ZFYVE27: variants seen among roughly 807,000 people sequenced by gnomAD.
The protein encoded by ZFYVE27 is zinc finger FYVE-type containing 27, also known as protrudin.
ZFYVE27 carries 36 observed loss-of-function variants against 52.8 expected under a neutral mutation model. The ratio of observed to expected loss-of-function variants is 0.68; its 90% CI spans 0.52 to 0.90. ZFYVE27 has a LOEUF of 0.90. Ranked by LOEUF, ZFYVE27 falls within the 40% of genes least tolerant of loss-of-function variation. The pLI, the probability that ZFYVE27 is intolerant of heterozygous loss-of-function variation, is 0.00. For missense variants in ZFYVE27, 450 were observed against 527.2 expected, an observed-to-expected ratio of 0.85 and a Z score of 1.43; for synonymous variants, 223 against 215.6, an observed-to-expected ratio of 1.03 and a Z score of -0.30.
intron 2 of ZFYVE27, 42 bp downstream of exon 2, chr10:97,738,716 G>A (rs761622947): frequency 1.2e-6 from 2 of 1,609,976 alleles, no homozygotes; most frequent in African/African-American, 2.7e-5. Flanking sequence ...TCTGCCTTCT[G>A]CCGTCCTGCT....
intron 4 of ZFYVE27, among the ~76,000 whole-genome samples, chr10:97,746,029 A>G (rs951405778): frequency 1.7e-5 from 2 of 120,026 alleles, no homozygotes; most frequent in Non-Finnish European, 3.2e-5. Flanking sequence ...ATATATACAC[A>G]TATATATATA....
At chr10:97,748,240 C>T (rs2045982923) in intron 4 of ZFYVE27, 29 bp from the exon 5 acceptor site, 2 of 1,609,698 alleles carry the variant, frequency 1.2e-6, no homozygotes, top group Non-Finnish European at 1.7e-6. Context: ...TTCTGTCCTG[C>T]CCACTCACCA....
chr10:97,751,922 G>A (rs931555851), intron 8 of ZFYVE27, among the ~76,000 whole-genome samples: 20 of 152,238 alleles, frequency 1.3e-4, no homozygotes, highest in African/African-American at 4.8e-4. Flanking sequence ...CTTGATTTTA[G>A]GATGGTAATT....
Position 97,748,053 on chromosome 10 carries a change from C to T in ZFYVE27, c.456-216C>T, listed in dbSNP as rs567986964. 2.6e-5 allele frequency among the ~76,000 whole-genome samples: 4 copies of T among 152,322 alleles called. No individual in the cohort carries two copies. In the East Asian group the frequency reaches 7.7e-4, roughly 29 times the overall value. ...AGCAGGAACATTTATACTGTTTCCA[C>T]CTCAGCAAGAGGCTCCAAAAAGGGG... On this transcript the variant is annotated intron_variant, in intron 4 of 12. Transcript: ENST00000684270.
chr10:97,738,688 G>T lies in ZFYVE27; in HGVS notation c.197+14G>T, dbSNP rs1724284468. 3 of 1,614,082 alleles carry T rather than the reference G, an allele frequency of 1.9e-6. No individual in the cohort carries two copies. Among genetic ancestry groups the T allele is most frequent in the Admixed American group, 3.3e-5 (2 of 60,000 alleles). On this transcript the variant is annotated intron_variant, in intron 2 of 12. Coordinates refer to ENST00000684270, the MANE Select transcript of ZFYVE27 (RefSeq NM_001385875.1). ...ATACTTGCTCAGGTACAGACTTTGT[G>T]GAGTTGCTCTGGTCTGCTCTGCCTT...
At position 97,738,661 on chromosome 10, in the gene ZFYVE27, C is replaced by T. The variant is rs1340020391; in HGVS notation, c.184C>T (p.Arg62Ter). The change falls in exon 2 of 13, where the codon CGA becomes TGA. Residue 62 changes from arginine to a stop codon, truncating the protein, a stop_gained. Coordinates refer to ENST00000684270, the MANE Select transcript of ZFYVE27 (RefSeq NM_001385875.1). LOFTEE classifies it high-confidence loss of function. ...EPLKDAGDGV[R>*]YLLRWQMPLC... is the part of the protein sequence containing the mutation. ...CTTGAAGGATGCAGGTGATGGTGTT[C>T]GATACTTGCTCAGGTACAGACTTTG... 4 of 1,614,174 alleles carry T rather than the reference C, an allele frequency of 2.5e-6. No homozygotes were observed. The highest frequency in any genetic ancestry group is 1.3e-5 in the African/African-American group (1 of 75,050).
At chr10:97,756,122 T>A (rs770739303) in intron 10 of ZFYVE27, among the ~76,000 whole-genome samples, 6 of 152,172 alleles carry the variant, frequency 3.9e-5, no homozygotes, top group Non-Finnish European at 7.3e-5. Context: ...TAGCTCCTTT[T>A]GCCTGTCCCA....
chr10:97,744,923 TG>T lies in ZFYVE27; in HGVS notation c.455+10del. The stretch of plus-strand genomic sequence containing the variant: ...GGCTGAGGTGAAGAGCTTGTGAGTA[TG>T]GAAGAGAGGCCAGGGAGGTGGGGGA... On this transcript the variant is annotated intron_variant, in intron 4 of 12. Transcript: ENST00000684270. The T allele has an allele frequency of 6.4e-7, 1 of 1,562,336 alleles. No homozygotes were observed.
At chr10:97,738,065 G>A (rs570927252) in intron 1 of ZFYVE27, among the ~76,000 whole-genome samples, 1 of 152,330 alleles carries the variant, frequency 6.6e-6, no homozygotes, top group South Asian at 2.1e-4. Context: ...CTCTGTTAGG[G>A]TGAGTACGTG....
chr10:97,744,576 A>C (rs1001679434), intron 3 of ZFYVE27, among the ~76,000 whole-genome samples, 153 bp from the exon 4 acceptor site: 3 of 152,158 alleles, frequency 2.0e-5, no homozygotes, highest in Non-Finnish European at 4.4e-5. Context: ...GGGGCTGGAG[A>C]GTAGGGGTGA....
chr10:97,752,984 G>T, intron 9 of ZFYVE27, 54 bp from the exon 10 acceptor site: 1 of 1,612,798 alleles, frequency 6.2e-7, no homozygotes. Flanking sequence ...CTCTGCACAC[G>T]GGTCCTGCAG....
chr10:97,744,967 G>T, intron 4 of ZFYVE27, 52 bp downstream of exon 4: 1 of 1,535,878 alleles, frequency 6.5e-7, no homozygotes, highest in South Asian at 1.2e-5. Context: ...CAGCAGCCAT[G>T]ACACTAAGTG....
chr10:97,738,577 G>A lies in ZFYVE27; in HGVS notation c.100G>A (p.Ala34Thr), dbSNP rs1317944309. 14 of 1,614,240 alleles carry A rather than the reference G, an allele frequency of 8.7e-6. No homozygotes were observed. In the East Asian group the frequency reaches 3.1e-4, roughly 36 times the overall value. The change falls in exon 2 of 13, where the codon GCG becomes ACG. Residue 34 changes from alanine (A) to threonine (T), a missense_variant. Ala to Thr is a moderately conservative substitution (Grantham distance 58). Coordinates refer to ENST00000684270, the MANE Select transcript of ZFYVE27 (RefSeq NM_001385875.1). ...TCCACCTTTTCCTACCAAGTCCCCA[G>A]CGTTTGACCTTTTCAACTTGGTTCT... ...ESPPFPTKSPAFDLFNLVLSY... is the reference protein window; with the variant it reads ...ESPPFPTKSPTFDLFNLVLSY...
chr10:97,746,563 C>T (rs1205817727), intron 4 of ZFYVE27, among the ~76,000 whole-genome samples: 2 of 152,194 alleles, frequency 1.3e-5, no homozygotes, highest in Non-Finnish European at 2.9e-5. Flanking sequence ...TCTTAAATAT[C>T]CACAGAGCTG....
chr10:97,739,937 A>G (rs1337080593), intron 2 of ZFYVE27, among the ~76,000 whole-genome samples: 3 of 146,356 alleles, frequency 2.0e-5, no homozygotes, highest in Admixed American at 1.4e-4. Context: ...GTTGCATTGC[A>G]TCAGGAGTCA....
intron 2 of ZFYVE27, 84 bp downstream of exon 2, chr10:97,738,758 T>TGGC (rs1025844321): frequency 1.3e-6 from 2 of 1,517,608 alleles, no homozygotes; most frequent in African/African-American, 2.7e-5. Context: ...ATTTAGGCAG[T>TGGC]GGCTGGGCTG....
intron 4 of ZFYVE27, among the ~76,000 whole-genome samples, chr10:97,745,355 A>G (rs1487643778): frequency 6.6e-6 from 1 of 151,698 alleles, no homozygotes; most frequent in Non-Finnish European, 1.5e-5. Flanking sequence ...AATTTTTTGT[A>G]TTTTTAGTAG....
In ZFYVE27 at chr10:97,757,631, C is replaced by G. The variant is rs778023245; in HGVS notation, c.1090-11C>G. The G allele has an allele frequency of 1.2e-6, 2 of 1,613,990 alleles. No homozygotes were observed. The highest frequency in any genetic ancestry group is 2.2e-5 in the East Asian group (1 of 44,874). On this transcript the variant is annotated splice_polypyrimidine_tract_variant and intron_variant, in intron 11 of 12. Transcript: ENST00000684270. The stretch of plus-strand genomic sequence containing the variant: ...GTGAGGGACACATCTGACCTTGGCT[C>G]TTGTCTGCAGCGGAGCTGCAGTAAT...
chr10:97,738,450 A>G (rs1324359007), intron 1 of ZFYVE27, 27 bp from the exon 2 acceptor site: 1 of 1,612,602 alleles, frequency 6.2e-7, no homozygotes, highest in African/African-American at 1.3e-5. Context: ...CGTGCAATGC[A>G]AATGTTGGGA....
Sources: allele counts gnomAD v4.1 joint callset (sites outside exome capture counted in the v4.1 genomes callset), GRCh38; gene constraint gnomAD v4.1.1; transcripts MANE v1.5; gene names NCBI Gene and HGNC (gene_info 2026-07-23, HGNC 2026-07-21).